OTOGL: variants seen among roughly 807,000 people sequenced by gnomAD.
OTOGL encodes the protein otogelin-like protein.
Under a neutral mutation model 318.5 loss-of-function variants are expected in OTOGL, and 285 were observed. That is an observed-to-expected ratio of 0.89 (90% CI 0.81 to 0.99). The LOEUF is 0.99. Ranked by LOEUF, OTOGL falls within the 50% of genes least tolerant of loss-of-function variation. The pLI, the probability that OTOGL is intolerant of heterozygous loss-of-function variation, is 0.00. For synonymous variants in OTOGL, 987 were observed against 936.5 expected, an observed-to-expected ratio of 1.05 and a Z score of -0.99; for missense variants, 2,899 against 2,845.6, an observed-to-expected ratio of 1.02 and a Z score of -0.43.
chr12:80,180,070 G>C (rs1225355695), intron 1 of OTOGL, among the ~76,000 whole-genome samples: 2 of 152,230 alleles, frequency 1.3e-5, no homozygotes, highest in African/African-American at 4.8e-5. Flanking sequence ...TACTATTTTA[G>C]TAAGGAGGCC....
At chr12:80,293,009 A>T (rs1050855052) in intron 26 of OTOGL, among the ~76,000 whole-genome samples, 6 of 152,236 alleles carry the variant, frequency 3.9e-5, no homozygotes, top group Admixed American at 6.5e-5. Context: ...AAGGCTTAAA[A>T]CACTTGATAT....
At chr12:80,139,668 T>C (rs1871802350) in intron 1 of OTOGL, among the ~76,000 whole-genome samples, 1 of 152,182 alleles carries the variant, frequency 6.6e-6, no homozygotes, top group Admixed American at 6.6e-5. Context: ...AATTAAAATA[T>C]ATTTAAAGGC....
chr12:80,251,564 CAT>C (rs1881547826), intron 11 of OTOGL, 127 bp from the exon 12 acceptor site: 9 of 640,024 alleles, frequency 1.4e-5, no homozygotes, highest in Admixed American at 3.1e-5. Context: ...ATGAGTGACA[CAT>C]ATGCTGACAT....
chr12:80,261,834 A>T, intron 18 of OTOGL, 135 bp from the exon 19 acceptor site: 1 of 1,095,674 alleles, frequency 9.1e-7, no homozygotes, highest in Non-Finnish European at 1.2e-6. Flanking sequence ...ACTTTTTTTT[A>T]AACTGGTAGA....
At chr12:80,114,754 T>C (rs1870057897) in intron 1 of OTOGL, among the ~76,000 whole-genome samples, 1 of 152,118 alleles carries the variant, frequency 6.6e-6, no homozygotes. Context: ...TGTATACCAA[T>C]CAAATGTAGG....
At chr12:80,230,139 T>C (rs1467536969) in intron 8 of OTOGL, among the ~76,000 whole-genome samples, 1 of 152,204 alleles carries the variant, frequency 6.6e-6, no homozygotes, top group African/African-American at 2.4e-5. Context: ...ATTCTATTCA[T>C]TCAGAATTCA....
At chr12:80,212,095 T>C (rs571353918) in intron 4 of OTOGL, 98 bp downstream of exon 4, 5 of 1,220,818 alleles carry the variant, frequency 4.1e-6, no homozygotes, top group Admixed American at 2.2e-5. Context: ...TGGAGGGGAA[T>C]AAAATGCTAA....
At chr12:80,331,027 A>G (rs911365911) in intron 37 of OTOGL, among the ~76,000 whole-genome samples, 1 of 152,240 alleles carries the variant, frequency 6.6e-6, no homozygotes, top group African/African-American at 2.4e-5. Flanking sequence ...TAAGATAGCA[A>G]TACTCCCAAA....
intron 14 of OTOGL, 68 bp downstream of exon 14, chr12:80,253,642 T>C: frequency 7.8e-7 from 1 of 1,275,774 alleles, no homozygotes; most frequent in Non-Finnish European, 1.1e-6. Flanking sequence ...CCATGACAGA[T>C]GTTTAAAGGA....
At chr12:80,183,633 C>T (rs1390844604) in intron 1 of OTOGL, among the ~76,000 whole-genome samples, 2 of 152,190 alleles carry the variant, frequency 1.3e-5, no homozygotes, top group African/African-American at 2.4e-5. Flanking sequence ...TAGTCACCAA[C>T]ACATTGGTAG....
intron 1 of OTOGL, among the ~76,000 whole-genome samples, chr12:80,171,619 T>G (rs1023018506): frequency 6.6e-6 from 1 of 152,226 alleles, no homozygotes; most frequent in Non-Finnish European, 1.5e-5. Context: ...CCCTCCAAAT[T>G]TCATCTTCCT....
Position 80,318,645 on chromosome 12 carries a change from G to T in OTOGL, c.3734G>T (p.Ser1245Ile). Reference protein sequence around the residue: ...TSRSVFCLPRSSVHTSLFFYF... With the variant: ...TSRSVFCLPRISVHTSLFFYF... ...AGAAGCGTTTTCTGTTTGCCGAGAA[G>T]CAGTGTTCATACCAGTTTATTTTTT... The change falls in exon 33 of 59, where the codon AGC becomes ATC. Residue 1245 changes from serine (S) to isoleucine (I), a missense_variant. Around this residue, in one of 3 missense-constraint regions of OTOGL, gnomAD observed 2,607 missense variants for 2,524.9 expected, o/e 1.03. Coordinates refer to ENST00000547103, the MANE Select transcript of OTOGL (RefSeq NM_001378609.3). 1 of 1,468,918 alleles carries T rather than the reference G, an allele frequency of 6.8e-7. No individual in the cohort carries two copies. Among genetic ancestry groups the T allele is most frequent in the East Asian group, 2.7e-5 (1 of 37,010 alleles). The allele number at this position is 1,468,918 out of a possible 1,614,324, so 91.0% of individuals were successfully genotyped here. A position where few individuals can be genotyped will look rare whatever the true frequency, so the allele number is the denominator to read the frequency against.
At chr12:80,329,736 T>G (rs893187294) in intron 37 of OTOGL, among the ~76,000 whole-genome samples, 1 of 152,186 alleles carries the variant, frequency 6.6e-6, no homozygotes, top group African/African-American at 2.4e-5. Flanking sequence ...CTCAAGGTAG[T>G]ATAATGTAGG....
At chr12:80,241,622 T>C (rs565233169) in intron 11 of OTOGL, among the ~76,000 whole-genome samples, 28 of 152,304 alleles carry the variant, frequency 1.8e-4, no homozygotes, top group Middle Eastern at 3.4e-3. Flanking sequence ...TTAGCACCCA[T>C]TTGTCAAGTA....
chr12:80,339,380 G>A (rs1170828076), intron 43 of OTOGL, 116 bp downstream of exon 43: 5 of 818,710 alleles, frequency 6.1e-6, no homozygotes, highest in African/African-American at 2.0e-5. Flanking sequence ...TTTGAGATGT[G>A]ATATTAACTT....
intron 11 of OTOGL, among the ~76,000 whole-genome samples, chr12:80,242,605 G>A (rs1880476302): frequency 6.6e-6 from 1 of 152,098 alleles, no homozygotes; most frequent in African/African-American, 2.4e-5. Flanking sequence ...TGAATTGGTT[G>A]AACACAGATT....
intron 20 of OTOGL, 131 bp from the exon 21 acceptor site, chr12:80,266,320 A>C (rs1882957253): frequency 2.1e-6 from 2 of 946,938 alleles, no homozygotes; most frequent in African/African-American, 1.7e-5. Context: ...TGAGCATCCA[A>C]GTTAAGGGTC....
At chr12:80,367,164 G>A (rs1455271125) in intron 53 of OTOGL, among the ~76,000 whole-genome samples, 1 of 147,750 alleles carries the variant, frequency 6.8e-6, no homozygotes, top group African/African-American at 2.5e-5. Flanking sequence ...TTTTGGAAAT[G>A]GGGTCTTGCT....
chr12:80,179,878 G>T (rs1002412546), intron 1 of OTOGL, among the ~76,000 whole-genome samples: 2 of 152,164 alleles, frequency 1.3e-5, no homozygotes, highest in Non-Finnish European at 2.9e-5. Context: ...TGTTCACTCA[G>T]TTGTTCTCAA....
Sources: gnomAD v4.1 joint callset for allele counts (sites outside exome capture counted in the v4.1 genomes callset) on GRCh38, gnomAD v4.1.1 for gene constraint, gnomAD v4.1.1 regional missense constraint, MANE v1.5 for transcripts, NCBI Gene and HGNC (gene_info 2026-07-23, HGNC 2026-07-21) for gene names.